The following SLMAP variants were observed in gnomAD, a reference collection of about 807,000 sequenced individuals.
SLMAP encodes sarcolemma associated protein.
In SLMAP, 44 loss-of-function variants were observed where a neutral mutation model predicts 128.8. The observed-to-expected ratio is 0.34, with a 90% CI of 0.27 to 0.44. The LOEUF is 0.44. Ranked by LOEUF, SLMAP falls within the 20% of genes least tolerant of loss-of-function variation. The pLI is 1.00. For missense variants in SLMAP, 787 were observed against 985.3 expected, an observed-to-expected ratio of 0.80 and a Z score of 2.69; for synonymous variants, 327 against 348.8, an observed-to-expected ratio of 0.94 and a Z score of 0.70.
intron 2 of SLMAP, among the ~76,000 whole-genome samples, chr3:57,760,280 G>A (rs1045293943): frequency 6.6e-6 from 1 of 152,184 alleles, no homozygotes; most frequent in African/African-American, 2.4e-5. Context: ...TTGAATGGTA[G>A]ATATGGCTTA....
At chr3:57,858,583 T>C (rs1177401432) in intron 8 of SLMAP, among the ~76,000 whole-genome samples, 1 of 152,204 alleles carries the variant, frequency 6.6e-6, no homozygotes, top group Admixed American at 6.5e-5. Flanking sequence ...TAATGTCTAG[T>C]TGTCTTTCTT....
intron 5 of SLMAP, among the ~76,000 whole-genome samples, chr3:57,849,375 A>T (rs2094424835): frequency 6.6e-6 from 1 of 152,150 alleles, no homozygotes; most frequent in Non-Finnish European, 1.5e-5. Context: ...TTCAAGAAAC[A>T]TTGCCTCAGG....
chr3:57,869,659 T>A lies in SLMAP; in HGVS notation c.1238-1977T>A, dbSNP rs868532217. On this transcript the variant is annotated intron_variant, in intron 13 of 24. Transcript: ENST00000671191. ...ATATATATATATATATATATATATATAATATATATAAACAAAACAAATTCT... is the reference window on the plus strand; with the variant it reads ...ATATATATATATATATATATATATAAAATATATATAAACAAAACAAATTCT... 1.5e-3 allele frequency among the ~76,000 whole-genome samples: 176 copies of A among 115,410 alleles called. 2 individuals carry two copies. Among genetic ancestry groups the A allele is most frequent in the Admixed American group, 8.2e-4 (9 of 11,034 alleles). 75.7% of individuals were successfully genotyped at this position (115,410 alleles called of 152,430 possible).
chr3:57,844,569 G>A (rs868061630), intron 4 of SLMAP, among the ~76,000 whole-genome samples: 2 of 151,796 alleles, frequency 1.3e-5, no homozygotes, highest in African/African-American at 4.8e-5. Context: ...AAATACAGAT[G>A]TATATCACTT....
chr3:57,848,842 T>A (rs1228821386), intron 5 of SLMAP, among the ~76,000 whole-genome samples: 2 of 151,724 alleles, frequency 1.3e-5, no homozygotes, highest in Non-Finnish European at 2.9e-5. Context: ...CCCAAGTAGC[T>A]GGGATTACAG....
chr3:57,807,033 T>G (rs1273132769), intron 2 of SLMAP, among the ~76,000 whole-genome samples: 1 of 152,208 alleles, frequency 6.6e-6, no homozygotes, highest in Non-Finnish European at 1.5e-5. Flanking sequence ...ATCTGTTGTT[T>G]CTTAGCTTTT....
At chr3:57,805,757 C>CT (rs527600671) in intron 2 of SLMAP, among the ~76,000 whole-genome samples, 165 of 152,242 alleles carry the variant, frequency 1.1e-3, no homozygotes, top group African/African-American at 3.8e-3. Flanking sequence ...TTGGTGACTG[C>CT]TTACCTCTCT....
chr3:57,798,058 A>G (rs1422169081), intron 2 of SLMAP, among the ~76,000 whole-genome samples: 1 of 152,216 alleles, frequency 6.6e-6, no homozygotes, highest in Non-Finnish European at 1.5e-5. Context: ...ATGAGTTAAT[A>G]TATGTGAAGG....
chr3:57,803,129 CAGTG>C (rs1295731160), intron 2 of SLMAP, among the ~76,000 whole-genome samples: 2 of 152,046 alleles, frequency 1.3e-5, no homozygotes, highest in East Asian at 1.9e-4. Context: ...CAAATAAAAA[CAGTG>C]AGCATCTAAA....
chr3:57,861,819 A>T, intron 9 of SLMAP, 130 bp from the exon 10 acceptor site: 1 of 683,232 alleles, frequency 1.5e-6, no homozygotes, highest in Non-Finnish European at 2.4e-6. Context: ...AGCTTTATTT[A>T]AAGTCCAGGG....
intron 15 of SLMAP, among the ~76,000 whole-genome samples, chr3:57,894,607 A>C (rs1559474066): frequency 6.6e-6 from 1 of 152,258 alleles, no homozygotes; most frequent in Non-Finnish European, 1.5e-5. Flanking sequence ...AGAATAATAC[A>C]AAATAAAGTA....
intron 2 of SLMAP, among the ~76,000 whole-genome samples, chr3:57,803,877 A>T (rs1022675501): frequency 6.6e-6 from 1 of 152,254 alleles, no homozygotes; most frequent in African/African-American, 2.4e-5. Context: ...AATGCAATTA[A>T]CTTTTCCATT....
intron 13 of SLMAP, among the ~76,000 whole-genome samples, chr3:57,869,631 TA>T (rs1560336861): frequency 2.7e-4 from 4 of 14,820 alleles, no homozygotes; most frequent in Admixed American, 9.3e-4. Context: ...CCATCTCTAT[TA>T]TATATATATA....
intron 17 of SLMAP, among the ~76,000 whole-genome samples, chr3:57,902,546 G>A (rs1358405480): frequency 6.6e-6 from 1 of 152,164 alleles, no homozygotes; most frequent in Non-Finnish European, 1.5e-5. Context: ...TACAGGTAAG[G>A]CAGTCAAGAG....
At chr3:57,802,498 T>A (rs532414140) in intron 2 of SLMAP, among the ~76,000 whole-genome samples, 144 of 152,304 alleles carry the variant, frequency 9.5e-4, no homozygotes, top group African/African-American at 3.4e-3. Context: ...GCCAGGCTGG[T>A]CTCGAGCTCC....
chr3:57,831,389 C>A lies in SLMAP; in HGVS notation c.205C>A (p.Leu69Ile). The change falls in exon 3 of 25, where the codon CTT becomes ATT. Residue 69 changes from leucine (L) to isoleucine (I), a missense_variant. Transcript: ENST00000671191. ...TTTTTGTTTTTTTTTGCAGTTTTAT[C>A]TTCAAGACACTAAAAGTAGTAATGG... ...WFDHKTGKFY[L>I]QDTKSSNGTF... 2.7e-6 allele frequency: 4 copies of A among 1,491,838 alleles called. No homozygotes were observed. The highest frequency in any genetic ancestry group is 1.4e-5 in the African/African-American group (1 of 69,810). 92.4% of individuals were successfully genotyped at this position (1,491,838 alleles called of 1,614,324 possible). A position where few individuals can be genotyped will look rare whatever the true frequency, so the allele number is the denominator to read the frequency against.
At chr3:57,889,857 G>GTGAT (rs2096010912) in intron 14 of SLMAP, 184 bp from the exon 15 acceptor site, 1 of 465,950 alleles carries the variant, frequency 2.1e-6, no homozygotes. Flanking sequence ...CTGCATTAAC[G>GTGAT]TGATTGCTCC....
chr3:57,787,369 A>G (rs909022480), intron 2 of SLMAP, among the ~76,000 whole-genome samples: 9 of 152,140 alleles, frequency 5.9e-5, no homozygotes, highest in Non-Finnish European at 1.5e-5. Flanking sequence ...GACTGAATCT[A>G]TACAATCATA....
intron 3 of SLMAP, among the ~76,000 whole-genome samples, chr3:57,836,135 A>G (rs1225344484): frequency 6.6e-6 from 1 of 152,182 alleles, no homozygotes; most frequent in East Asian, 1.9e-4. Flanking sequence ...TATTTAAAAT[A>G]GTCTCACCAA....
Sources: allele counts gnomAD v4.1 joint callset (sites outside exome capture counted in the v4.1 genomes callset), GRCh38; gene constraint gnomAD v4.1.1; transcripts MANE v1.5; gene names NCBI Gene and HGNC (gene_info 2026-07-23, HGNC 2026-07-21).